The following LHFPL4 variants were observed in gnomAD, a reference collection of about 807,000 sequenced individuals.
LHFPL4 encodes LHFPL tetraspan subfamily member 4.
In LHFPL4, 6 loss-of-function variants were observed where a neutral mutation model predicts 20.0. The observed-to-expected ratio is 0.30, with a 90% confidence interval of 0.16 to 0.59. The LOEUF is 0.59. LHFPL4 is among the 20% of genes least tolerant of loss of function. The pLI is 0.88. For synonymous variants in LHFPL4, 129 were observed against 143.8 expected (o/e 0.90, Z 0.74); for missense variants, 215 against 331.2 (o/e 0.65, Z 2.72).
chr3:9,553,224 G>A (rs2046568888), intron 1 of LHFPL4, among the ~76,000 whole-genome samples: 1 of 151,540 alleles, frequency 6.6e-6, no homozygotes, highest in Non-Finnish European at 1.5e-5. Flanking sequence ...GGTGGTGGGC[G>A]CTTCTAGGAT....
intron 2 of LHFPL4, among the ~76,000 whole-genome samples, chr3:9,548,976 A>G (rs925332875): frequency 2.6e-5 from 4 of 152,248 alleles, no homozygotes; most frequent in Non-Finnish European, 5.9e-5. Context: ...GCGAGCACAG[A>G]GGAACCAAGA....
intron 2 of LHFPL4, among the ~76,000 whole-genome samples, chr3:9,520,436 C>T (rs994177995): frequency 6.6e-6 from 1 of 152,078 alleles, no homozygotes; most frequent in African/African-American, 2.4e-5. Context: ...TCACTACAAC[C>T]TCTGCTTCCC....
chr3:9,515,990 T>C (rs1279047511), intron 2 of LHFPL4, among the ~76,000 whole-genome samples: 2 of 152,124 alleles, frequency 1.3e-5, no homozygotes, highest in African/African-American at 4.8e-5. Flanking sequence ...GCAGGGACTA[T>C]AGGCGTGAAC....
intron 2 of LHFPL4, among the ~76,000 whole-genome samples, chr3:9,543,408 G>C (rs1291556359): frequency 1.3e-5 from 2 of 151,990 alleles, no homozygotes; most frequent in Non-Finnish European, 1.5e-5. Flanking sequence ...GGCTGAGGAA[G>C]GAGAATCGCA....
chr3:9,517,808 G>GTTTTTTTTTTTTTTT (rs1294844205), intron 2 of LHFPL4, among the ~76,000 whole-genome samples: 1 of 116,710 alleles, frequency 8.6e-6, no homozygotes, highest in African/African-American at 3.2e-5. Flanking sequence ...TTTGTTTTTT[G>GTTTTTTTTTTTTTTT]TTTTTTTTTT....
chr3:9,547,787 CTTTGTTTTGT>C (rs368545231), intron 2 of LHFPL4, among the ~76,000 whole-genome samples: 5 of 146,594 alleles, frequency 3.4e-5, no homozygotes, highest in African/African-American at 1.1e-4. Context: ...GATTTTTGTT[CTTTGTTTTGT>C]TTTGTTTTGT....
intron 2 of LHFPL4, among the ~76,000 whole-genome samples, chr3:9,517,311 T>C (rs1421788005): frequency 3.9e-5 from 6 of 152,142 alleles, no homozygotes; most frequent in African/African-American, 1.4e-4. Context: ...ACAAACATCT[T>C]GAAAATAATG....
chr3:9,517,392 G>A (rs1174407957), intron 2 of LHFPL4, among the ~76,000 whole-genome samples: 4 of 151,838 alleles, frequency 2.6e-5, no homozygotes, highest in Admixed American at 2.0e-4. Flanking sequence ...TTTCACTAGA[G>A]TTTGGTATTT....
chr3:9,541,534 G>T (rs2046476230), intron 2 of LHFPL4, among the ~76,000 whole-genome samples: 1 of 152,134 alleles, frequency 6.6e-6, no homozygotes, highest in South Asian at 2.1e-4. Flanking sequence ...CACTTTGGGA[G>T]GCCAAGGCGG....
At chr3:9,529,230 T>G (rs981149671) in intron 2 of LHFPL4, among the ~76,000 whole-genome samples, 1 of 152,080 alleles carries the variant, frequency 6.6e-6, no homozygotes, top group Non-Finnish European at 1.5e-5. Flanking sequence ...GGTTTCACCA[T>G]GTTGGCCAGG....
intron 2 of LHFPL4, among the ~76,000 whole-genome samples, chr3:9,549,968 G>A (rs1466358560): frequency 6.6e-6 from 1 of 152,144 alleles, no homozygotes; most frequent in African/African-American, 2.4e-5. Context: ...CTGGCCTCAA[G>A]CAATCTTCCC....
At chr3:9,516,017 GA>G (rs2046298614) in intron 2 of LHFPL4, among the ~76,000 whole-genome samples, 1 of 152,092 alleles carries the variant, frequency 6.6e-6, no homozygotes, top group Non-Finnish European at 1.5e-5. Flanking sequence ...ACCCGGCCCA[GA>G]TATGTCTTTT....
chr3:9,506,166 A>T lies in LHFPL4; in HGVS notation c.444T>A (p.Asp148Glu). ...CCCGGATGGTCTCGGCATCCCAGCCATCAGGAAAGATCATGCAGCCCAGGA... is the reference window on the plus strand; with the variant it reads ...CCCGGATGGTCTCGGCATCCCAGCCTTCAGGAAAGATCATGCAGCCCAGGA... ...CLVLGCMIFP[D>E]GWDAETIRDM... Residue 148 changes from aspartate to glutamate, a missense_variant, in exon 3 of 4, where the codon GAT becomes GAA. Asp to Glu is a conservative substitution (Grantham distance 45). Coordinates refer to ENST00000287585, the MANE Select transcript of LHFPL4 (RefSeq NM_198560.3). This position sits in a 1 kb window ranked among gnomAD's most constrained non-coding sequence, Gnocchi z 4.5. 6.2e-7 allele frequency: 1 copy of T among 1,614,164 alleles called. No homozygotes were observed. Among genetic ancestry groups the T allele is most frequent in the Non-Finnish European group, 8.5e-7 (1 of 1,180,034 alleles).
At chr3:9,515,804 C>T (rs1204178755) in intron 2 of LHFPL4, among the ~76,000 whole-genome samples, 1 of 151,656 alleles carries the variant, frequency 6.6e-6, no homozygotes, top group African/African-American at 2.4e-5. Context: ...CAACCTCTAC[C>T]TCCTGGGTTC....
At chr3:9,533,020 C>T (rs751006288) in intron 2 of LHFPL4, among the ~76,000 whole-genome samples, 3 of 152,180 alleles carry the variant, frequency 2.0e-5, no homozygotes, top group Non-Finnish European at 2.9e-5. Context: ...ACCTGCCCAC[C>T]CCACGCCACA....
chr3:9,541,224 G>A (rs2046474343), intron 2 of LHFPL4, among the ~76,000 whole-genome samples: 1 of 152,016 alleles, frequency 6.6e-6, no homozygotes, highest in African/African-American at 2.4e-5. Flanking sequence ...TTACAGGCGT[G>A]AGCCACCGCA....
rs1188337433 is a variant in LHFPL4 at position 9,552,405 on chromosome 3, A to G, written c.275T>C (p.Phe92Ser). 1.2e-6 allele frequency: 2 copies of G among 1,613,782 alleles called. No individual in the cohort carries two copies. ...CAGCACGAAGAAGGCGGCCGCCTTG[A>G]AGGCGCTGGACGGGATGGTGCTGAA... Reference protein sequence around the residue: ...TDFSTIPSSAFKAAAFFVLLS... With the variant: ...TDFSTIPSSASKAAAFFVLLS... Residue 92 changes from phenylalanine (F) to serine (S), a missense_variant, in exon 2 of 4, where the codon TTC (phenylalanine) becomes TCC (serine). Physicochemically the swap from Phe to Ser is radical, Grantham distance 155. Coordinates refer to ENST00000287585, the MANE Select transcript of LHFPL4 (RefSeq NM_198560.3).
intron 2 of LHFPL4, among the ~76,000 whole-genome samples, chr3:9,514,321 A>G (rs2046283605): frequency 6.6e-6 from 1 of 152,222 alleles, no homozygotes; most frequent in African/African-American, 2.4e-5. Context: ...TGTATATAGT[A>G]TAATCCCATC....
chr3:9,533,363 A>T (rs932638705), intron 2 of LHFPL4, among the ~76,000 whole-genome samples: 8 of 152,222 alleles, frequency 5.3e-5, no homozygotes, highest in African/African-American at 1.9e-4. Flanking sequence ...ACTCCAACAA[A>T]ATAGTATACA....
Sources: allele counts gnomAD v4.1 joint callset (sites outside exome capture counted in the v4.1 genomes callset), GRCh38; gene constraint gnomAD v4.1.1; non-coding constraint Gnocchi (gnomAD v3.1); transcripts MANE v1.5; gene names NCBI Gene and HGNC (gene_info 2026-07-23, HGNC 2026-07-21).